Variants in CACNA1C observed in about 807,000 individuals in gnomAD.
The protein encoded by CACNA1C is calcium voltage-gated channel subunit alpha1 C, also known as voltage-dependent L-type calcium channel subunit alpha-1C.
In CACNA1C, 30 loss-of-function variants were observed where a neutral mutation model predicts 229.0. That is an observed-to-expected ratio of 0.13 (90% CI 0.10 to 0.18). The LOEUF is 0.18. Among genes scored for constraint, CACNA1C ranks in the 10% least tolerant of loss-of-function variants. The pLI, the probability that CACNA1C is intolerant of heterozygous loss-of-function variation, is 1.00. For synonymous variants in CACNA1C, 1,114 were observed against 1,132.5 expected (o/e 0.98, Z 0.33); for missense variants, 1,658 against 2,845.0 (o/e 0.58, Z 9.49).
chr12:2,299,274 T>C (rs1555414022), intron 3 of CACNA1C, among the ~76,000 whole-genome samples: 1 of 152,082 alleles, frequency 6.6e-6, no homozygotes, highest in Non-Finnish European at 1.5e-5. Context: ...TCAGGGGGTG[T>C]GGTTTTTGCT....
chr12:2,459,169 G>GTTTTTTTTTTTTTTTTTGT (rs2099476184), intron 5 of CACNA1C, among the ~76,000 whole-genome samples: 1 of 109,438 alleles, frequency 9.1e-6, no homozygotes, highest in Non-Finnish European at 1.9e-5. Flanking sequence ...TTTTGTGTGT[G>GTTTTTTTTTTTTTTTTTGT]TTTTTTTTTT....
At chr12:2,028,461 A>C (rs1426883021) in intron 1 of CACNA1C, among the ~76,000 whole-genome samples, 4 of 152,248 alleles carry the variant, frequency 2.6e-5, no homozygotes, top group Non-Finnish European at 5.9e-5. Context: ...ACCAGTGACC[A>C]AGATGGATCT....
At chr12:2,268,818 C>T (rs947298190) in intron 3 of CACNA1C, among the ~76,000 whole-genome samples, 3 of 152,218 alleles carry the variant, frequency 2.0e-5, no homozygotes, top group Admixed American at 1.3e-4. Context: ...AGGGATAGAA[C>T]GAGATGGTCC....
Position 2,647,098 on chromosome 12 carries a change from T to G in CACNA1C, c.3913-1377T>G, listed in dbSNP as rs928510018. On this transcript the variant is annotated intron_variant, in intron 30 of 46. Transcript: ENST00000399655. The surrounding 1 kb of genome is among the most constrained non-coding windows in gnomAD (Gnocchi z 4.2). Reference sequence around the variant, plus strand: ...GAGAAATCTGTTACCCAAGAAATATTTTCAGGCTGCAAGCAAATGTCTAGT... The same window carrying G: ...GAGAAATCTGTTACCCAAGAAATATGTTCAGGCTGCAAGCAAATGTCTAGT... Among the ~76,000 whole-genome samples the G allele has an allele frequency of 1.3e-5, 2 of 152,206 alleles. No homozygotes were observed. Among genetic ancestry groups the G allele is most frequent in the Non-Finnish European group, 2.9e-5 (2 of 68,044 alleles).
At position 2,053,500 on chromosome 12, in the gene CACNA1C, G is replaced by C. The variant is rs2052943856; in HGVS notation, c.-63G>C. The C allele has an allele frequency of 3.9e-6, 6 of 1,542,000 alleles. No individual in the cohort carries two copies. The Admixed American group carries it at 1.2e-4, about 31-fold the overall frequency. ...AGGAGGGATTAATCCAGACCCGCCG[G>C]GGGGTGTTTTCACATTTCTTCCTCT... is the stretch of plus-strand genomic sequence containing the variant. On this transcript the variant is annotated 5_prime_UTR_variant, in exon 1 of 47. Coordinates refer to ENST00000399655, the MANE Select transcript of CACNA1C (RefSeq NM_000719.7). The surrounding 1 kb of genome is among the most constrained non-coding windows in gnomAD (Gnocchi z 5.8).
rs984905274 is a variant in CACNA1C, at chr12:2,403,892, C to G, written c.478-45084C>G. 6.6e-6 allele frequency among the ~76,000 whole-genome samples: 1 copy of G among 152,196 alleles called. No homozygotes were observed. Among genetic ancestry groups the G allele is most frequent in the South Asian group, 2.1e-4 (1 of 4,824 alleles). On this transcript the variant is annotated intron_variant, in intron 3 of 46. Transcript: ENST00000399655. This position sits in a 1 kb window ranked among gnomAD's most constrained non-coding sequence, Gnocchi z 4.1. ...GGCCCCAGGGACTTTCTCAGAGATG[C>G]CTGTTTCCACCTAGAGGAAAGACTT...
At chr12:2,509,742 A>G (rs2099779494) in intron 8 of CACNA1C, among the ~76,000 whole-genome samples, 1 of 152,174 alleles carries the variant, frequency 6.6e-6, no homozygotes, top group Admixed American at 6.5e-5. Context: ...AAAACATGGC[A>G]CTAAGTGGAC....
intron 3 of CACNA1C, among the ~76,000 whole-genome samples, chr12:2,130,140 T>A (rs1335421202): frequency 1.3e-5 from 2 of 151,564 alleles, no homozygotes; most frequent in African/African-American, 4.9e-5. Flanking sequence ...GGCATTGCTC[T>A]ATGGTCCGTG....
intron 11 of CACNA1C, among the ~76,000 whole-genome samples, chr12:2,558,831 C>CT (rs1157388566): frequency 1.3e-5 from 2 of 152,286 alleles, no homozygotes; most frequent in East Asian, 3.9e-4. Context: ...AAAATACAGG[C>CT]TTTTTTCCCA....
At chr12:2,604,183 C>T (rs906103056) in intron 22 of CACNA1C, among the ~76,000 whole-genome samples, 1 of 152,094 alleles carries the variant, frequency 6.6e-6, no homozygotes, top group African/African-American at 2.4e-5. Context: ...TTTGAGGAAA[C>T]GGGGTTCTGG....
intron 3 of CACNA1C, among the ~76,000 whole-genome samples, chr12:2,402,213 G>A (rs960929957): frequency 1.3e-4 from 20 of 152,234 alleles, no homozygotes; most frequent in Admixed American, 9.2e-4. Flanking sequence ...CTTTTTGACT[G>A]TTTATCTTAT....
chr12:2,072,851 G>A (rs868774329), intron 1 of CACNA1C, among the ~76,000 whole-genome samples: 3 of 152,188 alleles, frequency 2.0e-5, no homozygotes, highest in Admixed American at 1.3e-4. Flanking sequence ...CATGTTAAAT[G>A]TGTGCTCACT....
intron 1 of CACNA1C, among the ~76,000 whole-genome samples, chr12:2,088,574 GT>G (rs2068666349): frequency 2.0e-5 from 3 of 152,178 alleles, no homozygotes; most frequent in Admixed American, 2.0e-4. Context: ...TGAGAACAGG[GT>G]CTGGCCCACA....
intron 5 of CACNA1C, among the ~76,000 whole-genome samples, chr12:2,468,995 G>GT (rs2099575605): frequency 6.6e-6 from 1 of 151,344 alleles, no homozygotes. Context: ...TTGCATGTTA[G>GT]TTAGTTTAGT....
chr12:2,004,241 C>A, intron 1 of CACNA1C: 2 of 1,610,450 alleles, frequency 1.2e-6, no homozygotes, highest in Non-Finnish European at 1.7e-6. Context: ...CCGCCTCCAC[C>A]CCAACCCTGG....
intron 7 of CACNA1C, among the ~76,000 whole-genome samples, chr12:2,500,095 C>G (rs2099755763): frequency 6.6e-6 from 1 of 152,200 alleles, no homozygotes; most frequent in Non-Finnish European, 1.5e-5. Context: ...TGAGGACCAC[C>G]CTGGCCTCGT....
chr12:2,460,161 C>T (rs2099490029), intron 5 of CACNA1C, among the ~76,000 whole-genome samples: 1 of 152,202 alleles, frequency 6.6e-6, no homozygotes, highest in Non-Finnish European at 1.5e-5. Context: ...GGTGGTAGGC[C>T]TTGTGGTTGT....
At chr12:2,307,420 T>A (rs191297724) in intron 3 of CACNA1C, among the ~76,000 whole-genome samples, 18 of 152,354 alleles carry the variant, frequency 1.2e-4, no homozygotes, top group Middle Eastern at 3.4e-3. Flanking sequence ...CACAGCTCCT[T>A]GGAAGCAGCT....
At position 2,632,457 on chromosome 12, in the gene CACNA1C, C is replaced by G. The variant is rs1353643505; in HGVS notation, c.3829-1840C>G. 6.6e-6 allele frequency among the ~76,000 whole-genome samples: 1 copy of G among 152,184 alleles called. No individual in the cohort carries two copies. The highest frequency in any genetic ancestry group is 2.4e-5 in the African/African-American group (1 of 41,446). On this transcript the variant is annotated intron_variant, in intron 29 of 46. Coordinates refer to ENST00000399655, the MANE Select transcript of CACNA1C (RefSeq NM_000719.7). The surrounding 1 kb of genome is among the most constrained non-coding windows in gnomAD (Gnocchi z 4.1). ...CTAAAGAGTCCACTCATCCAGGACA[C>G]CTGGGGTCCTATAGGGCCTCTGGGA...
Sources: allele counts gnomAD v4.1 joint callset (sites outside exome capture counted in the v4.1 genomes callset), GRCh38; gene constraint gnomAD v4.1.1; non-coding constraint Gnocchi (gnomAD v3.1); transcripts MANE v1.5; gene names NCBI Gene and HGNC (gene_info 2026-07-23, HGNC 2026-07-21).